COTL1: variants seen among roughly 807,000 people sequenced by gnomAD.
COTL1 encodes coactosin like F-actin binding protein 1, also known as coactosin-like protein.
A neutral mutation model predicts 16.5 loss-of-function variants in COTL1; 15 were observed. The ratio of observed to expected loss-of-function variants is 0.91; its 90% CI spans 0.61 to 1.40. The LOEUF (loss-of-function observed/expected upper bound fraction) is 1.40. Ranked by LOEUF, COTL1 falls within the 40% of genes most tolerant of loss-of-function variation. The pLI is 0.00. For synonymous variants in COTL1, 112 were observed against 85.3 expected, an observed-to-expected ratio of 1.31 and a Z score of -1.73; for missense variants, 220 against 201.5, an observed-to-expected ratio of 1.09 and a Z score of -0.56.
rs1904294791 is a variant in COTL1 at position 84,565,617 on chromosome 16, CA to C, written c.*1227del. 1 of 147,708 alleles carries C rather than the reference CA, an allele frequency of 6.8e-6. No homozygotes were observed. The highest frequency in any genetic ancestry group is 1.5e-5 in the Non-Finnish European group (1 of 66,786). The allele number at this position is 147,708 out of a possible 1,614,324, so 9.1% of individuals were successfully genotyped here. A position where few individuals can be genotyped will look rare whatever the true frequency, so the allele number is the denominator to read the frequency against. On this transcript the variant is annotated 3_prime_UTR_variant, in exon 4 of 4. Coordinates refer to ENST00000262428, the MANE Select transcript of COTL1 (RefSeq NM_021149.5). Reference sequence around the variant, plus strand: ...ACTGTTTTCTGAAAAACAAAAAAAACATTTATTTCTGTAAACTGTCTGAGTG... The same window carrying C: ...ACTGTTTTCTGAAAAACAAAAAAAACTTTATTTCTGTAAACTGTCTGAGTG...
chr16:84,607,023 A>C (rs1366752), intron 2 of COTL1, among the ~76,000 whole-genome samples: 78,364 of 152,068 alleles, frequency 0.52, 20,684 homozygotes, highest in East Asian at 0.64. Context: ...TCAAGGGAGC[A>C]ACACACCCAT....
chr16:84,607,634 G>A (rs766490314), intron 2 of COTL1, among the ~76,000 whole-genome samples: 106 of 152,186 alleles, frequency 7.0e-4, no homozygotes, highest in Non-Finnish European at 1.4e-3. Flanking sequence ...TGGAGGGGTC[G>A]GCTGGCCAGC....
chr16:84,591,564 C>T (rs962856845), intron 2 of COTL1, among the ~76,000 whole-genome samples: 1 of 135,742 alleles, frequency 7.4e-6, no homozygotes, highest in Non-Finnish European at 1.5e-5. Context: ...CTTTGGGAGG[C>T]AAAGGTGGGA....
intron 2 of COTL1, chr16:84,595,884 T>C (rs964893865): frequency 1.3e-5 from 2 of 151,914 alleles, no homozygotes; most frequent in African/African-American, 4.8e-5. Context: ...TTTGTGTATG[T>C]GTGTTATATA....
rs573698172 is a variant in COTL1, at chr16:84,608,555, G to C, written c.160+8946C>G. 1.1e-3 allele frequency among the ~76,000 whole-genome samples: 163 copies of C among 152,356 alleles called. 1 individual carries two copies. In the Middle Eastern group the frequency reaches 0.02, roughly 19 times the overall value. ...GGGCAAAGAAGGCAATGGGAGACTG[G>C]ATAGTGCAGAAAATTACAAAGGTAA... On this transcript the variant is annotated intron_variant, in intron 2 of 3. Transcript: ENST00000262428.
intron 2 of COTL1, among the ~76,000 whole-genome samples, chr16:84,610,764 G>T (rs1167817642): frequency 6.6e-6 from 1 of 151,944 alleles, no homozygotes; most frequent in Non-Finnish European, 1.5e-5. Context: ...CTCTCTCTGT[G>T]GTGTTTTGGG....
chr16:84,593,492 A>C (rs1904920763), intron 2 of COTL1, among the ~76,000 whole-genome samples: 1 of 1,486 alleles, frequency 6.7e-4, no homozygotes, highest in East Asian at 0.12. Flanking sequence ...AAAGTCACAT[A>C]ACAAAATTCA....
intron 2 of COTL1, 109 bp downstream of exon 2, chr16:84,617,392 G>A (rs1003624248): frequency 1.2e-5 from 12 of 979,280 alleles, no homozygotes; most frequent in East Asian, 2.6e-5. Flanking sequence ...TGCGCCAGGG[G>A]CACCCCATGT....
At chr16:84,605,644 C>A (rs1040767501) in intron 2 of COTL1, among the ~76,000 whole-genome samples, 4 of 152,240 alleles carry the variant, frequency 2.6e-5, no homozygotes, top group Admixed American at 2.0e-4. Flanking sequence ...GCTTTGAAGA[C>A]AGAGGAAGTG....
At chr16:84,571,211 G>A (rs1033641269) in intron 3 of COTL1, among the ~76,000 whole-genome samples, 2 of 152,070 alleles carry the variant, frequency 1.3e-5, no homozygotes, top group African/African-American at 2.4e-5. Flanking sequence ...GTCCTCACAC[G>A]AGAGCCCCCG....
intron 1 of COTL1, 49 bp from the exon 2 acceptor site, chr16:84,617,632 G>A (rs1018303998): frequency 1.3e-6 from 2 of 1,522,216 alleles, no homozygotes; most frequent in African/African-American, 1.4e-5. Context: ...AGCGCTGGTG[G>A]CCGCGCGACG....
chr16:84,611,575 T>C (rs768089300), intron 2 of COTL1, among the ~76,000 whole-genome samples: 6 of 152,212 alleles, frequency 3.9e-5, no homozygotes, highest in Non-Finnish European at 7.3e-5. Flanking sequence ...ACAGGCGCCT[T>C]TTCTGCTTCT....
At chr16:84,579,413 C>T (rs1284252752) in intron 3 of COTL1, among the ~76,000 whole-genome samples, 1 of 152,138 alleles carries the variant, frequency 6.6e-6, no homozygotes, top group East Asian at 1.9e-4. Flanking sequence ...ACTTGAACCA[C>T]GAGGCAGAGG....
intron 2 of COTL1, 85 bp downstream of exon 2, chr16:84,617,404 GCCACCGGTTCCT>G (rs1905518416): frequency 8.6e-7 from 1 of 1,168,848 alleles, no homozygotes; most frequent in South Asian, 1.3e-5. Flanking sequence ...ACCCCATGTG[GCCACCGGTTCCT>G]CCCGGGTTCG....
chr16:84,583,907 T>G (rs1904659300), intron 3 of COTL1, among the ~76,000 whole-genome samples: 1 of 152,186 alleles, frequency 6.6e-6, no homozygotes, highest in Non-Finnish European at 1.5e-5. Context: ...GCATGCCTTC[T>G]GGATTCCTGG....
intron 3 of COTL1, among the ~76,000 whole-genome samples, chr16:84,578,993 A>G (rs1567532265): frequency 6.6e-6 from 1 of 151,988 alleles, no homozygotes; most frequent in Non-Finnish European, 1.5e-5. Flanking sequence ...ATGCGTACAC[A>G]CATATACACA....
chr16:84,609,492 T>C (rs1905276668), intron 2 of COTL1, among the ~76,000 whole-genome samples: 1 of 152,196 alleles, frequency 6.6e-6, no homozygotes, highest in African/African-American at 2.4e-5. Context: ...TCAACATCTA[T>C]GCCAAGTGGT....
intron 2 of COTL1, among the ~76,000 whole-genome samples, chr16:84,616,763 T>C (rs1473841473): frequency 2.0e-5 from 3 of 152,186 alleles, no homozygotes; most frequent in Non-Finnish European, 2.9e-5. Flanking sequence ...CACAGGGAAG[T>C]GCCTAAGGCA....
chr16:84,605,349 G>C (rs573943134), intron 2 of COTL1, among the ~76,000 whole-genome samples: 2 of 152,242 alleles, frequency 1.3e-5, no homozygotes, highest in African/African-American at 4.8e-5. Flanking sequence ...CAGGGCCCGC[G>C]ATGCTGGGTC....
Sources: gnomAD v4.1 joint callset for allele counts (sites outside exome capture counted in the v4.1 genomes callset) on GRCh38, gnomAD v4.1.1 for gene constraint, MANE v1.5 for transcripts, NCBI Gene and HGNC (gene_info 2026-07-23, HGNC 2026-07-21) for gene names.